The following MCU variants were observed in gnomAD, a reference collection of about 807,000 sequenced individuals.
The protein encoded by MCU is mitochondrial calcium uniporter, also known as calcium uniporter protein, mitochondrial.
Under a neutral mutation model 45.2 loss-of-function variants are expected in MCU, and 12 were observed. That is an observed-to-expected ratio of 0.27 (90% CI 0.17 to 0.43). The LOEUF is 0.43. Among genes scored for constraint, MCU ranks in the 20% least tolerant of loss-of-function variants. The pLI is 1.00. For missense variants in MCU, 324 were observed against 436.7 expected (o/e 0.74, Z 2.30); for synonymous variants, 160 against 165.1 (o/e 0.97, Z 0.24).
chr10:72,823,647 T>C (rs1844748593), intron 1 of MCU, among the ~76,000 whole-genome samples: 1 of 152,240 alleles, frequency 6.6e-6, no homozygotes, highest in Non-Finnish European at 1.5e-5. Context: ...GGCATGGCTT[T>C]GTTAAGGATA....
At chr10:72,713,480 A>C (rs1250070381) in intron 1 of MCU, among the ~76,000 whole-genome samples, 2 of 152,122 alleles carry the variant, frequency 1.3e-5, no homozygotes, top group African/African-American at 4.8e-5. Flanking sequence ...GGACTTCACC[A>C]TGTTGGCCAG....
intron 1 of MCU, among the ~76,000 whole-genome samples, chr10:72,728,406 T>C (rs1452522550): frequency 6.6e-6 from 1 of 152,158 alleles, no homozygotes; most frequent in Non-Finnish European, 1.5e-5. Flanking sequence ...CTATGGGAAA[T>C]TTGATACAGT....
chr10:72,877,278 G>T (rs1168327503), intron 6 of MCU, among the ~76,000 whole-genome samples: 1 of 152,096 alleles, frequency 6.6e-6, no homozygotes, highest in Non-Finnish European at 1.5e-5. Flanking sequence ...AATGATTGTT[G>T]CCCGAAAGAG....
At chr10:72,732,607 C>A (rs776550191) in intron 1 of MCU, among the ~76,000 whole-genome samples, 4 of 152,230 alleles carry the variant, frequency 2.6e-5, no homozygotes, top group Admixed American at 6.5e-5. Context: ...AGCAGGTAAT[C>A]TACAACTTCT....
chr10:72,692,769 G>T, intron 1 of MCU: 1 of 1,372,398 alleles, frequency 7.3e-7, no homozygotes. Context: ...ATGCTGCTGG[G>T]AGCTGCCCCG....
intron 1 of MCU, among the ~76,000 whole-genome samples, chr10:72,825,128 T>C (rs536132761): frequency 1.3e-5 from 2 of 152,320 alleles, no homozygotes; most frequent in East Asian, 3.9e-4. Flanking sequence ...AAATCTGTTA[T>C]ATTTCACCTT....
At chr10:72,732,920 GT>G (rs1458210168) in intron 1 of MCU, among the ~76,000 whole-genome samples, 3 of 152,132 alleles carry the variant, frequency 2.0e-5, no homozygotes, top group Non-Finnish European at 4.4e-5. Context: ...CCTTTTGAGT[GT>G]TTTTTCTACA....
chr10:72,706,362 CAATA>C (rs1004164937), intron 1 of MCU, among the ~76,000 whole-genome samples: 1 of 151,772 alleles, frequency 6.6e-6, no homozygotes, highest in Non-Finnish European at 1.5e-5. Flanking sequence ...GAAGGTATAA[CAATA>C]TATAACTGAA....
intron 1 of MCU, among the ~76,000 whole-genome samples, chr10:72,765,032 G>A (rs113078199): frequency 0.058 from 8,746 of 150,228 alleles, 863 homozygotes; most frequent in African/African-American, 0.2. Context: ...TGGGCAGATC[G>A]CTTGAGCCCA....
rs557830952 is a variant in MCU, at chr10:72,848,662, A to G, written c.221-10515A>G. On this transcript the variant is annotated intron_variant, in intron 2 of 7. Coordinates refer to ENST00000373053, the MANE Select transcript of MCU (RefSeq NM_138357.3). Reference sequence around the variant, plus strand: ...TAGCAAATACTTACAGGCAAGAATTATAGAGAGCCTTCTTGAAGGCTGGCT... The same window carrying G: ...TAGCAAATACTTACAGGCAAGAATTGTAGAGAGCCTTCTTGAAGGCTGGCT... Among the ~76,000 whole-genome samples the G allele has an allele frequency of 3.3e-5, 5 of 152,308 alleles. No homozygotes were observed. In the East Asian group the frequency reaches 9.6e-4, roughly 29 times the overall value.
At chr10:72,795,489 C>T (rs544914954) in intron 1 of MCU, among the ~76,000 whole-genome samples, 15 of 152,174 alleles carry the variant, frequency 9.9e-5, no homozygotes, top group South Asian at 2.1e-4. Context: ...ATGTATGATA[C>T]GGTGATTTTA....
intron 1 of MCU, among the ~76,000 whole-genome samples, chr10:72,754,714 T>G (rs1843549643): frequency 6.6e-6 from 1 of 152,174 alleles, no homozygotes; most frequent in African/African-American, 2.4e-5. Flanking sequence ...TCCACCTGTC[T>G]TAGCCTCCCA....
intron 1 of MCU, 78 bp downstream of exon 1, chr10:72,692,379 G>A: frequency 6.4e-6 from 7 of 1,099,990 alleles, no homozygotes; most frequent in Non-Finnish European, 7.8e-6. Flanking sequence ...GCAGGCCGCC[G>A]GGGCAGCAGG....
chr10:72,707,655 C>T (rs1203937917), intron 1 of MCU, among the ~76,000 whole-genome samples: 1 of 132,784 alleles, frequency 7.5e-6, no homozygotes, highest in Middle Eastern at 3.5e-3. Context: ...GTGTTTCCCA[C>T]CAAAACAAAA....
intron 2 of MCU, among the ~76,000 whole-genome samples, chr10:72,842,373 G>A (rs1845060879): frequency 6.6e-6 from 1 of 152,168 alleles, no homozygotes; most frequent in Non-Finnish European, 1.5e-5. Flanking sequence ...GTAGTGTTAT[G>A]AAATAATTCT....
intron 1 of MCU, among the ~76,000 whole-genome samples, chr10:72,829,463 C>T (rs1227939794): frequency 6.6e-6 from 1 of 151,704 alleles, no homozygotes; most frequent in East Asian, 1.9e-4. Flanking sequence ...ATCTTGGTAT[C>T]TGCCTATGAA....
At chr10:72,882,598 A>G (rs1194877626) in intron 6 of MCU, among the ~76,000 whole-genome samples, 2 of 152,132 alleles carry the variant, frequency 1.3e-5, no homozygotes, top group African/African-American at 2.4e-5. Flanking sequence ...GGAAATTCCC[A>G]CCTAATAAAT....
intron 2 of MCU, among the ~76,000 whole-genome samples, chr10:72,845,338 G>A (rs1422657589): frequency 6.6e-6 from 1 of 152,148 alleles, no homozygotes; most frequent in Non-Finnish European, 1.5e-5. Flanking sequence ...ACATTGAGTA[G>A]TGCTACTTTC....
At chr10:72,695,874 A>T (rs1044698982) in intron 1 of MCU, among the ~76,000 whole-genome samples, 7 of 151,630 alleles carry the variant, frequency 4.6e-5, no homozygotes, top group Non-Finnish European at 7.4e-5. Context: ...AATTAAAAAA[A>T]TTTTTTTGGC....
Sources: allele counts gnomAD v4.1 joint callset (sites outside exome capture counted in the v4.1 genomes callset), GRCh38; gene constraint gnomAD v4.1.1; transcripts MANE v1.5; gene names NCBI Gene and HGNC (gene_info 2026-07-23, HGNC 2026-07-21).